PTPRD: variants seen among roughly 807,000 people sequenced by gnomAD.
PTPRD encodes receptor-type tyrosine-protein phosphatase delta.
A neutral mutation model predicts 214.5 loss-of-function variants in PTPRD; 34 were observed. The ratio of observed to expected loss-of-function variants is 0.16; its 90% CI spans 0.12 to 0.21. The LOEUF (loss-of-function observed/expected upper bound fraction) is 0.21, where lower values mean the gene tolerates loss of function less well. Ranked by LOEUF, PTPRD falls within the 10% of genes least tolerant of loss-of-function variation. The pLI, the probability that PTPRD is intolerant of heterozygous loss-of-function variation, is 1.00. For synonymous variants in PTPRD, 1,128 were observed against 845.7 expected, an observed-to-expected ratio of 1.33 and a Z score of -5.79; for missense variants, 2,545 against 2,398.7, an observed-to-expected ratio of 1.06 and a Z score of -1.27.
At position 9,415,922 on chromosome 9, in the gene PTPRD, C is replaced by A. The variant is rs542502742; in HGVS notation, c.-236-18440G>T. ...GGGAGGACAGAGCATCATTGAAGTCCCAGAAGGAAAAAAAGCAGAGTGCTT... is the reference window on the plus strand; with the variant it reads ...GGGAGGACAGAGCATCATTGAAGTCACAGAAGGAAAAAAAGCAGAGTGCTT... On this transcript the variant is annotated intron_variant, in intron 8 of 45. Transcript: ENST00000381196. Among the ~76,000 whole-genome samples, 41 of 151,964 alleles carry A rather than the reference C, an allele frequency of 2.7e-4. 1 individual carries two copies. In the South Asian group the frequency reaches 8.3e-3, roughly 31 times the overall value.
At chr9:9,523,484 A>C (rs1483518488) in intron 8 of PTPRD, among the ~76,000 whole-genome samples, 1 of 152,146 alleles carries the variant, frequency 6.6e-6, no homozygotes, top group African/African-American at 2.4e-5. Context: ...TAGTGTGTTT[A>C]ATCTTCCCTT....
intron 4 of PTPRD, among the ~76,000 whole-genome samples, chr9:9,969,014 G>A (rs892218228): frequency 6.6e-6 from 1 of 152,120 alleles, no homozygotes; most frequent in Non-Finnish European, 1.5e-5. Context: ...AGTTTAGTAG[G>A]AGAGAGTCCA....
chr9:9,937,262 A>C (rs2089862521), intron 5 of PTPRD, among the ~76,000 whole-genome samples: 1 of 151,518 alleles, frequency 6.6e-6, no homozygotes. Flanking sequence ...TAAAAAATAA[A>C]TTACTATATT....
chr9:10,470,029 G>A (rs967681479), intron 2 of PTPRD, among the ~76,000 whole-genome samples: 2 of 151,948 alleles, frequency 1.3e-5, no homozygotes, highest in Non-Finnish European at 2.9e-5. Context: ...GGAATAAAGA[G>A]GCGTTGGTTA....
intron 8 of PTPRD, among the ~76,000 whole-genome samples, chr9:9,569,979 T>G (rs897951888): frequency 3.1e-4 from 47 of 151,570 alleles, no homozygotes; most frequent in African/African-American, 1.0e-3. Flanking sequence ...TTCAGAAATA[T>G]CAGTTGAAAG....
At chr9:10,236,849 G>T (rs533550293) in intron 3 of PTPRD, among the ~76,000 whole-genome samples, 145 of 151,660 alleles carry the variant, frequency 9.6e-4, no homozygotes, top group South Asian at 8.7e-3. Flanking sequence ...ATATTTTAAG[G>T]TTAATTTTTG....
chr9:9,981,784 A>T (rs1402419436), intron 4 of PTPRD, among the ~76,000 whole-genome samples: 1 of 152,166 alleles, frequency 6.6e-6, no homozygotes, highest in Non-Finnish European at 1.5e-5. Flanking sequence ...GACTCGTATC[A>T]TACTCTATTT....
At chr9:9,247,958 A>G (rs1367894013) in intron 9 of PTPRD, among the ~76,000 whole-genome samples, 1 of 152,000 alleles carries the variant, frequency 6.6e-6, no homozygotes, top group Non-Finnish European at 1.5e-5. Context: ...TTAATTTCCT[A>G]TGAAAGGTAG....
At chr9:10,113,127 G>C (rs931778903) in intron 3 of PTPRD, among the ~76,000 whole-genome samples, 1 of 152,186 alleles carries the variant, frequency 6.6e-6, no homozygotes, top group Non-Finnish European at 1.5e-5. Flanking sequence ...GCAGCGTTTT[G>C]AGAGGATGCA....
intron 11 of PTPRD, among the ~76,000 whole-genome samples, chr9:8,895,753 G>A (rs796591463): frequency 1.9e-4 from 29 of 152,300 alleles, no homozygotes; most frequent in African/African-American, 6.5e-4. Context: ...CACTCCTCCA[G>A]ACTTTAGTTT....
chr9:8,484,973 A>G (rs1440598473), intron 29 of PTPRD, among the ~76,000 whole-genome samples: 1 of 152,200 alleles, frequency 6.6e-6, no homozygotes, highest in Non-Finnish European at 1.5e-5. Context: ...CTTAGATGTA[A>G]AAAGTTCAAG....
At chr9:9,936,989 C>A (rs2089716488) in intron 5 of PTPRD, among the ~76,000 whole-genome samples, 1 of 151,194 alleles carries the variant, frequency 6.6e-6, no homozygotes, top group African/African-American at 2.4e-5. Context: ...AAAACCAAAC[C>A]CCACATATTC....
rs1174392173 is a variant in PTPRD, at chr9:8,929,941, ATG to A, written c.-104+88754_-104+88755del. Among the ~76,000 whole-genome samples the A allele has an allele frequency of 5.9e-4, 76 of 128,604 alleles. 3 individuals are homozygous for A. Among genetic ancestry groups the A allele is most frequent in the Middle Eastern group, 4.5e-3 (1 of 220 alleles). 84.4% of individuals were successfully genotyped at this position (128,604 alleles called of 152,430 possible). ...TGTATATATATATGTGTATATATAT[ATG>A]TGTGTGTGTGTATATATATATATAA... On this transcript the variant is annotated intron_variant, in intron 11 of 45. Coordinates refer to ENST00000381196, the MANE Select transcript of PTPRD (RefSeq NM_002839.4).
intron 11 of PTPRD, among the ~76,000 whole-genome samples, chr9:8,769,139 A>G (rs551472999): frequency 6.6e-6 from 1 of 152,332 alleles, no homozygotes; most frequent in African/African-American, 2.4e-5. Flanking sequence ...ATATATTTAA[A>G]TGTGCAGCAT....
chr9:10,071,681 A>T (rs2098020212), intron 3 of PTPRD, among the ~76,000 whole-genome samples: 1 of 152,076 alleles, frequency 6.6e-6, no homozygotes, highest in African/African-American at 2.4e-5. Flanking sequence ...TAAAAATTCT[A>T]GAATAAAACA....
At chr9:8,458,696 T>C (rs1434575393) in intron 33 of PTPRD, among the ~76,000 whole-genome samples, 3 of 152,100 alleles carry the variant, frequency 2.0e-5, no homozygotes, top group South Asian at 2.1e-4. Flanking sequence ...GGTGTGTACC[T>C]CATGCTTCCT....
intron 10 of PTPRD, among the ~76,000 whole-genome samples, chr9:9,163,840 T>C (rs1255296396): frequency 6.6e-6 from 1 of 152,178 alleles, no homozygotes; most frequent in Non-Finnish European, 1.5e-5. Context: ...AACTTGCTCT[T>C]GTCCACATCT....
chr9:10,530,048 G>T (rs2055705565), intron 2 of PTPRD, among the ~76,000 whole-genome samples: 1 of 152,084 alleles, frequency 6.6e-6, no homozygotes, highest in African/African-American at 2.4e-5. Flanking sequence ...TTCTGCACAT[G>T]TATCCCAGAA....
chr9:9,029,651 T>G (rs190286785), intron 10 of PTPRD, among the ~76,000 whole-genome samples: 9 of 151,804 alleles, frequency 5.9e-5, no homozygotes, highest in African/African-American at 2.2e-4. Context: ...AGAATGATGA[T>G]GGAATTTGAT....
Sources: allele counts gnomAD v4.1 joint callset (sites outside exome capture counted in the v4.1 genomes callset), GRCh38; gene constraint gnomAD v4.1.1; transcripts MANE v1.5; gene names NCBI Gene and HGNC (gene_info 2026-07-23, HGNC 2026-07-21).